The following TNRC6B variants were observed in gnomAD, a reference collection of about 807,000 sequenced individuals.
TNRC6B encodes the protein trinucleotide repeat containing adaptor 6B.
Under a neutral mutation model 203.6 loss-of-function variants are expected in TNRC6B, and 52 were observed. The ratio of observed to expected loss-of-function variants is 0.26; its 90% CI spans 0.20 to 0.32. TNRC6B has a LOEUF of 0.32. Among genes scored for constraint, TNRC6B ranks in the 10% least tolerant of loss-of-function variants. The probability of loss-of-function intolerance (pLI) is 1.00; values close to 1 mark genes in which losing one functional copy is unlikely to be tolerated. For synonymous variants in TNRC6B, 838 were observed against 845.7 expected (o/e 0.99, Z 0.16); for missense variants, 1,923 against 2,286.2 (o/e 0.84, Z 3.24).
intron 3 of TNRC6B, among the ~76,000 whole-genome samples, chr22:40,153,238 C>T (rs1176441768): frequency 6.6e-6 from 1 of 152,208 alleles, no homozygotes. Context: ...GGAATATATA[C>T]TCCACCTGAA....
chr22:40,050,472 G>A (rs2067735465), intron 1 of TNRC6B, among the ~76,000 whole-genome samples: 1 of 152,044 alleles, frequency 6.6e-6, no homozygotes, highest in Admixed American at 6.6e-5. Context: ...GTATACACCT[G>A]CACCACTCTC....
intron 15 of TNRC6B, among the ~76,000 whole-genome samples, chr22:40,306,541 A>G (rs2071089530): frequency 6.6e-6 from 1 of 152,186 alleles, no homozygotes; most frequent in Non-Finnish European, 1.5e-5. Context: ...CAGAAGTGTA[A>G]TTTACTCAAG....
chr22:40,129,114 T>C (rs2068520045), intron 3 of TNRC6B, among the ~76,000 whole-genome samples: 1 of 152,112 alleles, frequency 6.6e-6, no homozygotes. Context: ...GCAACAGTGT[T>C]CTAGACACAG....
At chr22:40,315,823 G>T (rs2071249846) in intron 20 of TNRC6B, 119 bp from the exon 21 acceptor site, 31 of 824,636 alleles carry the variant, frequency 3.8e-5, no homozygotes, top group Non-Finnish European at 5.8e-5. Context: ...GAGTCCAGTG[G>T]AAAAGAGAAT....
At chr22:40,278,179 G>A in intron 9 of TNRC6B, 135 bp downstream of exon 9, 2 of 700,800 alleles carry the variant, frequency 2.9e-6, no homozygotes, top group South Asian at 3.4e-5. Flanking sequence ...GTAAGGTACT[G>A]TGCTAGACAC....
chr22:40,235,040 T>G (rs957311571), intron 1 of TNRC6B, among the ~76,000 whole-genome samples: 12 of 152,224 alleles, frequency 7.9e-5, no homozygotes, highest in Non-Finnish European at 1.5e-4. Flanking sequence ...TTCATTGTAC[T>G]CCTTTGTTAA....
intron 21 of TNRC6B, 41 bp downstream of exon 21, chr22:40,316,053 T>G: frequency 1.3e-6 from 2 of 1,579,210 alleles, no homozygotes; most frequent in African/African-American, 2.7e-5. Context: ...AGGACTTGAT[T>G]GTATTAAGAG....
At chr22:40,318,408 G>A (rs1011274867) in intron 21 of TNRC6B, among the ~76,000 whole-genome samples, 5 of 152,058 alleles carry the variant, frequency 3.3e-5, no homozygotes, top group African/African-American at 9.7e-5. Flanking sequence ...TTAGCCGGGT[G>A]TGGTGGTGAG....
At chr22:40,271,651 G>C (rs2070564623) in intron 6 of TNRC6B, among the ~76,000 whole-genome samples, 1 of 152,076 alleles carries the variant, frequency 6.6e-6, no homozygotes, top group Non-Finnish European at 1.5e-5. Context: ...CAGACCCTGG[G>C]CACAAAGAGA....
chr22:40,250,056 C>T (rs542472248), intron 2 of TNRC6B, among the ~76,000 whole-genome samples: 8 of 152,248 alleles, frequency 5.3e-5, no homozygotes, highest in South Asian at 2.1e-4. Flanking sequence ...CCCCCATGGC[C>T]GTAATCCAGT....
chr22:40,208,337 A>G (rs2069514432), intron 1 of TNRC6B, among the ~76,000 whole-genome samples: 1 of 152,140 alleles, frequency 6.6e-6, no homozygotes, highest in African/African-American at 2.4e-5. Flanking sequence ...GTATGCATGT[A>G]CAGGAGGCAT....
intron 15 of TNRC6B, 191 bp downstream of exon 15, chr22:40,301,524 G>C: frequency 1.6e-6 from 1 of 620,262 alleles, no homozygotes; most frequent in Non-Finnish European, 2.7e-6. Flanking sequence ...TCACCACATG[G>C]TTACTAAATA....
chr22:40,301,457 C>T (rs890399578), intron 15 of TNRC6B, 124 bp downstream of exon 15: 10 of 1,072,862 alleles, frequency 9.3e-6, no homozygotes, highest in East Asian at 2.6e-5. Context: ...ATATTCTTAT[C>T]CCTGGTTTAC....
intron 1 of TNRC6B, among the ~76,000 whole-genome samples, chr22:40,093,387 G>A (rs2068164263): frequency 6.6e-6 from 1 of 152,162 alleles, no homozygotes. Context: ...AAGCACTGGG[G>A]GAGAGGCAGT....
intron 15 of TNRC6B, among the ~76,000 whole-genome samples, chr22:40,302,089 C>A (rs143768103): frequency 2.6e-5 from 4 of 152,256 alleles, no homozygotes; most frequent in East Asian, 1.9e-4. Context: ...ATTAGTATTT[C>A]ATCTGATTTA....
intron 9 of TNRC6B, among the ~76,000 whole-genome samples, chr22:40,279,549 T>TTG (rs1180314463): frequency 6.6e-6 from 1 of 152,198 alleles, no homozygotes; most frequent in African/African-American, 2.4e-5. Context: ...TTTTTATTCC[T>TTG]TGTAACTATG....
chr22:40,076,997 GAAAAGAA>G (rs929820262), intron 1 of TNRC6B, among the ~76,000 whole-genome samples: 1 of 130,374 alleles, frequency 7.7e-6, no homozygotes, highest in African/African-American at 2.9e-5. Flanking sequence ...CTATCTCTAA[GAAAAGAA>G]AAGAGAAAAG....
intron 4 of TNRC6B, among the ~76,000 whole-genome samples, chr22:40,156,405 T>A (rs1251953139): frequency 6.6e-6 from 1 of 152,190 alleles, no homozygotes; most frequent in Non-Finnish European, 1.5e-5. Context: ...CTAATCAAAA[T>A]TTATGTTATG....
At chr22:40,208,512 A>G (rs2069516794) in intron 1 of TNRC6B, among the ~76,000 whole-genome samples, 2 of 152,252 alleles carry the variant, frequency 1.3e-5, no homozygotes, top group Non-Finnish European at 2.9e-5. Context: ...GAATAAAGTA[A>G]TAAAATTCCA....
Sources: gnomAD v4.1 joint callset for allele counts (sites outside exome capture counted in the v4.1 genomes callset) on GRCh38, gnomAD v4.1.1 for gene constraint, MANE v1.5 for transcripts, NCBI Gene and HGNC (gene_info 2026-07-23, HGNC 2026-07-21) for gene names.